Variants in CEP63 observed in about 807,000 individuals in gnomAD.
CEP63 encodes centrosomal protein 63.
CEP63 carries 84 observed loss-of-function variants against 89.1 expected under a neutral mutation model. That is an observed-to-expected ratio of 0.94 (90% CI 0.79 to 1.13). CEP63 has a LOEUF of 1.13. Among genes scored for constraint, CEP63 ranks in the 50% most tolerant of loss-of-function variants. The probability of loss-of-function intolerance (pLI) is 0.00; values close to 1 mark genes in which losing one functional copy is unlikely to be tolerated. For synonymous variants in CEP63, 267 were observed against 272.5 expected, an observed-to-expected ratio of 0.98 and a Z score of 0.20; for missense variants, 838 against 813.3, an observed-to-expected ratio of 1.03 and a Z score of -0.37.
At chr3:134,665,693 A>G in the CEP63 span, among the ~76,000 whole-genome samples, 4 of 138,750 alleles carry the variant, frequency 2.9e-5, no homozygotes, top group African/African-American at 1.0e-4. Flanking sequence ...ACACACACAC[A>G]CACACACACA....
the CEP63 span, among the ~76,000 whole-genome samples, chr3:134,745,361 TATGATTATCTGAAATTTCATTAGTAA>T: frequency 6.6e-6 from 1 of 152,234 alleles, no homozygotes; most frequent in African/African-American, 2.4e-5. Flanking sequence ...GTTCATCTTG[TATGATTATCTGAAATTTCATTAGTAA>T]ATGATGCATT....
the CEP63 span, among the ~76,000 whole-genome samples, chr3:134,692,540 A>G: frequency 5.9e-5 from 9 of 152,206 alleles, no homozygotes. Flanking sequence ...ATATCATGCC[A>G]TATAACTTCT....
In CEP63 at chr3:134,537,245, G is replaced by T; in HGVS notation, c.532G>T (p.Ala178Ser). 1 of 1,610,912 alleles carries T rather than the reference G, an allele frequency of 6.2e-7. No homozygotes were observed. Among genetic ancestry groups the T allele is most frequent in the Non-Finnish European group, 8.5e-7 (1 of 1,177,136 alleles). Reference sequence around the variant, plus strand: ...ACTGGAGGCACAAAGGAAGGCTCTGGCTGAACAATCAGAGATAATTCAGGT... The same window carrying T: ...ACTGGAGGCACAAAGGAAGGCTCTGTCTGAACAATCAGAGATAATTCAGGT... ...SSLEAQRKAL[A>S]EQSEIIQAQL... is the part of the protein sequence containing the mutation. Residue 178 changes from alanine (A) to serine (S), a missense_variant, in exon 6 of 15, where the codon GCT becomes TCT. Physicochemically the swap from Ala to Ser is moderately conservative, Grantham distance 99. Transcript: ENST00000675561.
At chr3:134,499,413 G>C (rs941719093) in intron 2 of CEP63, among the ~76,000 whole-genome samples, 10 of 151,680 alleles carry the variant, frequency 6.6e-5, no homozygotes, top group Non-Finnish European at 1.5e-4. Flanking sequence ...CTTTTTTCTT[G>C]GTTAGTCTAG....
intron 10 of CEP63, among the ~76,000 whole-genome samples, chr3:134,587,204 A>C (rs1199241230): frequency 6.8e-6 from 1 of 147,086 alleles, no homozygotes; most frequent in Non-Finnish European, 1.5e-5. Context: ...TCAACTCGTC[A>C]AAGTCATTCT....
chr3:134,564,771 CTG>C lies in CEP63; in HGVS notation c.*3238_*3239del. On this transcript the variant is annotated 3_prime_UTR_variant, in exon 15 of 15. Transcript: ENST00000675561. Reference sequence around the variant, plus strand: ...ACAGTCCCAAGCTTCAGCTTAAAATCTGTAGACTGCAGCCCGTTTCTGAAACG... The same window carrying C: ...ACAGTCCCAAGCTTCAGCTTAAAATCTAGACTGCAGCCCGTTTCTGAAACG... The C allele has an allele frequency of 1.0e-6, 1 of 985,446 alleles. No individual in the cohort carries two copies. Among genetic ancestry groups the C allele is most frequent in the Non-Finnish European group, 1.2e-6 (1 of 829,924 alleles). 61.0% of individuals were successfully genotyped at this position (985,446 alleles called of 1,614,324 possible). A position where few individuals can be genotyped will look rare whatever the true frequency, so the allele number is the denominator to read the frequency against.
chr3:134,545,446 C>T (rs1267107850), intron 6 of CEP63, 140 bp from the exon 7 acceptor site: 2 of 623,606 alleles, frequency 3.2e-6, no homozygotes, highest in African/African-American at 6.3e-5. Context: ...TTCTTTCTTA[C>T]CCCTTCGCAA....
At chr3:134,654,462 G>A in the CEP63 span, among the ~76,000 whole-genome samples, 33,076 of 152,132 alleles carry the variant, frequency 0.22, 4,130 homozygotes, top group Non-Finnish European at 0.29. Context: ...CATTGATGAC[G>A]TGGGGAAGAG....
the CEP63 span, among the ~76,000 whole-genome samples, chr3:134,609,292 G>A: frequency 6.6e-6 from 1 of 152,202 alleles, no homozygotes; most frequent in Admixed American, 6.5e-5. Flanking sequence ...GCCGACTGGA[G>A]TGCTGCCTCT....
At chr3:134,609,061 G>A in the CEP63 span, among the ~76,000 whole-genome samples, 1 of 152,192 alleles carries the variant, frequency 6.6e-6, no homozygotes, top group African/African-American at 2.4e-5. Context: ...CTGCAACTGT[G>A]GTCTGCACTC....
At chr3:134,579,743 G>T (rs1471335137), downstream of CEP63, among the ~76,000 whole-genome samples, 1 of 152,140 alleles carries the variant, frequency 6.6e-6, no homozygotes, top group African/African-American at 2.4e-5. Flanking sequence ...TTGATATAAA[G>T]ACATCATTCG....
At chr3:134,758,791 CATTTCTGTGGTACGCTAA>C in the CEP63 span, among the ~76,000 whole-genome samples, 164 of 152,264 alleles carry the variant, frequency 1.1e-3, 1 homozygote, top group Middle Eastern at 0.014. Context: ...GTCCAGAATT[CATTTCTGTGGTACGCTAA>C]ATAATGGCCT....
At chr3:134,656,502 A>C in the CEP63 span, among the ~76,000 whole-genome samples, 1 of 152,196 alleles carries the variant, frequency 6.6e-6, no homozygotes, top group Non-Finnish European at 1.5e-5. Flanking sequence ...ACTGTTCACA[A>C]GTGTGAGGGT....
At chr3:134,518,220 G>A (rs777775871) in intron 3 of CEP63, among the ~76,000 whole-genome samples, 3 of 152,196 alleles carry the variant, frequency 2.0e-5, no homozygotes, top group Non-Finnish European at 2.9e-5. Flanking sequence ...GACTTAACAA[G>A]TAGCTCTCAA....
chr3:134,559,154 ACCC>A lies in CEP63; in HGVS notation c.1679_1681del (p.Thr560_His561delinsAsn). ...GTTTTCTAATCTACCATCCAGGCCA[ACCC>A]ATGGCCAGCACAGACATGATGGAAT... On this transcript the variant is annotated inframe_deletion, in exon 14 of 15. Transcript: ENST00000675561. The A allele has an allele frequency of 6.2e-7, 1 of 1,613,936 alleles. No homozygotes were observed. The highest frequency in any genetic ancestry group is 8.5e-7 in the Non-Finnish European group (1 of 1,179,932).
chr3:134,704,226 G>A, the CEP63 span, among the ~76,000 whole-genome samples: 2 of 152,170 alleles, frequency 1.3e-5, no homozygotes, highest in African/African-American at 2.4e-5. Context: ...TACGTTCTTT[G>A]AAGCAGGCTT....
At chr3:134,681,629 T>A in the CEP63 span, among the ~76,000 whole-genome samples, 2 of 152,310 alleles carry the variant, frequency 1.3e-5, no homozygotes, top group East Asian at 1.9e-4. Context: ...GTATGAAAAC[T>A]GTTTGGAGTT....
chr3:134,654,447 T>A, the CEP63 span, among the ~76,000 whole-genome samples: 1 of 152,166 alleles, frequency 6.6e-6, no homozygotes, highest in Admixed American at 6.5e-5. Flanking sequence ...GCAGGGAATT[T>A]TCTCCATTGA....
At chr3:134,695,308 C>G in the CEP63 span, among the ~76,000 whole-genome samples, 4 of 152,176 alleles carry the variant, frequency 2.6e-5, no homozygotes, top group African/African-American at 9.7e-5. Flanking sequence ...CAAATGTTCC[C>G]CACAGAAGCC....
Sources: gnomAD v4.1 joint callset for allele counts (sites outside exome capture counted in the v4.1 genomes callset) on GRCh38, gnomAD v4.1.1 for gene constraint, MANE v1.5 for transcripts, NCBI Gene and HGNC (gene_info 2026-07-23, HGNC 2026-07-21) for gene names.